Variants in ZBTB16 observed in about 807,000 individuals in gnomAD.
ZBTB16 encodes the protein zinc finger and BTB domain containing 16.
Under a neutral mutation model 56.8 loss-of-function variants are expected in ZBTB16, and 8 were observed. That is an observed-to-expected ratio of 0.14 (90% confidence interval 0.08 to 0.25). The LOEUF (loss-of-function observed/expected upper bound fraction) is 0.25. Among genes scored for constraint, ZBTB16 ranks in the 10% least tolerant of loss-of-function variants. The pLI is 1.00. For missense variants in ZBTB16, 625 were observed against 903.0 expected (o/e 0.69, Z 3.95); for synonymous variants, 363 against 368.5 (o/e 0.98, Z 0.17).
At chr11:114,123,631 G>T (rs1304424215) in intron 2 of ZBTB16, among the ~76,000 whole-genome samples, 2 of 152,296 alleles carry the variant, frequency 1.3e-5, no homozygotes, top group East Asian at 1.9e-4. Flanking sequence ...CTAATGAGCT[G>T]CCCTGTGTCT....
At chr11:114,154,731 GGT>G (rs143118154) in intron 2 of ZBTB16, among the ~76,000 whole-genome samples, 14 of 151,576 alleles carry the variant, frequency 9.2e-5, no homozygotes, top group Non-Finnish European at 1.3e-4. Context: ...CATAGATAAG[GGT>G]GTGTGTGTGT....
chr11:114,104,336 T>C (rs1331120381), intron 2 of ZBTB16, among the ~76,000 whole-genome samples: 1 of 152,194 alleles, frequency 6.6e-6, no homozygotes, highest in Non-Finnish European at 1.5e-5. Flanking sequence ...CATTGCCTGC[T>C]ATTGGGGAAA....
chr11:114,061,831 C>T (rs990050389), intron 1 of ZBTB16, among the ~76,000 whole-genome samples: 5 of 152,168 alleles, frequency 3.3e-5, no homozygotes, highest in Non-Finnish European at 7.3e-5. Context: ...AATATCACTT[C>T]CAGCGCCTCT....
intron 2 of ZBTB16, among the ~76,000 whole-genome samples, chr11:114,130,104 G>T (rs1346174125): frequency 6.6e-6 from 1 of 152,178 alleles, no homozygotes; most frequent in African/African-American, 2.4e-5. Context: ...TTTCACTTAC[G>T]AAAAGTTTCT....
intron 2 of ZBTB16, among the ~76,000 whole-genome samples, chr11:114,130,348 G>A (rs1334120321): frequency 1.3e-5 from 2 of 152,198 alleles, no homozygotes; most frequent in Non-Finnish European, 2.9e-5. Context: ...CTGCAGGGTG[G>A]AGGGTCTTGG....
chr11:114,157,896 C>T (rs115519660), intron 3 of ZBTB16, among the ~76,000 whole-genome samples: 2,257 of 152,222 alleles, frequency 0.015, 21 homozygotes, highest in African/African-American at 0.023. Context: ...CCCACCCTGC[C>T]CCTGGCTCCA....
At chr11:114,070,023 G>A (rs1591636973) in intron 2 of ZBTB16, among the ~76,000 whole-genome samples, 1 of 150,784 alleles carries the variant, frequency 6.6e-6, no homozygotes, top group Middle Eastern at 3.4e-3. Flanking sequence ...AAATATTAAT[G>A]TGTTTGATTA....
intron 2 of ZBTB16, among the ~76,000 whole-genome samples, chr11:114,073,208 C>T (rs1296163241): frequency 6.6e-6 from 1 of 152,132 alleles, no homozygotes; most frequent in African/African-American, 2.4e-5. Flanking sequence ...AGGAAGGTTA[C>T]TGCAGAGGGT....
chr11:114,161,051 G>GCATCTGT (rs1446250692), intron 3 of ZBTB16, among the ~76,000 whole-genome samples: 1 of 152,148 alleles, frequency 6.6e-6, no homozygotes, highest in Non-Finnish European at 1.5e-5. Flanking sequence ...TGGCATTGAA[G>GCATCTGT]CATCTGTTGA....
chr11:114,197,524 G>A (rs557608215), intron 4 of ZBTB16, among the ~76,000 whole-genome samples: 1 of 152,144 alleles, frequency 6.6e-6, no homozygotes, highest in African/African-American at 2.4e-5. Context: ...TCCAACCTTG[G>A]TGTTGGCTGC....
chr11:114,227,610 A>G (rs1944356784), intron 4 of ZBTB16, among the ~76,000 whole-genome samples: 1 of 152,176 alleles, frequency 6.6e-6, no homozygotes, highest in Non-Finnish European at 1.5e-5. Flanking sequence ...GTAAACCTTG[A>G]ACTTAAAGCA....
chr11:114,105,267 G>A (rs1940749972), intron 2 of ZBTB16, among the ~76,000 whole-genome samples: 2 of 150,600 alleles, frequency 1.3e-5, no homozygotes, highest in African/African-American at 4.9e-5. Flanking sequence ...GAGACGTGGA[G>A]TCTCGCTCTG....
intron 5 of ZBTB16, 43 bp downstream of exon 5, chr11:114,242,380 C>G (rs747317409): frequency 6.2e-7 from 1 of 1,607,288 alleles, no homozygotes; most frequent in South Asian, 1.1e-5. Flanking sequence ...TCTCTGGGAG[C>G]CAGCGTCTAT....
chr11:114,124,570 A>AAAAAAAAACAAAAAAAAAAAAC (rs1565638154), intron 2 of ZBTB16, among the ~76,000 whole-genome samples: 5 of 146,582 alleles, frequency 3.4e-5, no homozygotes, highest in Non-Finnish European at 6.0e-5. Flanking sequence ...AAAAAAAAAA[A>AAAAAAAAACAAAAAAAAAAAAC]AACAAAAACA....
Position 114,108,841 on chromosome 11 carries a change from C to T in ZBTB16, c.1268+44273C>T, listed in dbSNP as rs746685164. ...GCTGGAAATCAAATGCAGGTTTTCC[C>T]GATTGCTTGGCCTGAGCTCTTAATG... On this transcript the variant is annotated intron_variant, in intron 2 of 6. Coordinates refer to ENST00000335953, the MANE Select transcript of ZBTB16 (RefSeq NM_006006.6). 1.4e-4 allele frequency among the ~76,000 whole-genome samples: 22 copies of T among 152,334 alleles called. No individual in the cohort carries two copies. In the East Asian group the frequency reaches 1.5e-3, roughly 11 times the overall value.
chr11:114,234,215 A>G (rs1051963297), intron 4 of ZBTB16, among the ~76,000 whole-genome samples: 1 of 152,222 alleles, frequency 6.6e-6, no homozygotes, highest in African/African-American at 2.4e-5. Flanking sequence ...GGCTGGATAA[A>G]GAGACCTAAA....
At chr11:114,247,478 G>T in intron 6 of ZBTB16, 113 bp downstream of exon 6, 1 of 1,452,074 alleles carries the variant, frequency 6.9e-7, no homozygotes, top group South Asian at 1.2e-5. Context: ...GAATCAAAGA[G>T]TAGAAGAGGT....
At chr11:114,239,183 A>C (rs978119762) in intron 4 of ZBTB16, among the ~76,000 whole-genome samples, 1 of 151,950 alleles carries the variant, frequency 6.6e-6, no homozygotes, top group Non-Finnish European at 1.5e-5. Context: ...GTGTATTGAC[A>C]CTCAGAGCAC....
intron 4 of ZBTB16, among the ~76,000 whole-genome samples, chr11:114,233,099 A>G (rs1464307541): frequency 1.7e-4 from 7 of 40,628 alleles, no homozygotes; most frequent in South Asian, 1.1e-3. Context: ...ACACACACAC[A>G]CACACACACA....
Sources: gnomAD v4.1 joint callset for allele counts (sites outside exome capture counted in the v4.1 genomes callset) on GRCh38, gnomAD v4.1.1 for gene constraint, MANE v1.5 for transcripts, NCBI Gene and HGNC (gene_info 2026-07-23, HGNC 2026-07-21) for gene names.